Variants in SGCD observed in about 807,000 individuals in gnomAD.
The protein encoded by SGCD is delta-sarcoglycan.
A neutral mutation model predicts 36.6 loss-of-function variants in SGCD; 18 were observed. The observed-to-expected ratio is 0.49, with a 90% CI of 0.34 to 0.73. The LOEUF (loss-of-function observed/expected upper bound fraction) is 0.73, where lower values mean the gene tolerates loss of function less well. SGCD is among the 30% of genes least tolerant of loss of function. The probability of loss-of-function intolerance (pLI) is 0.01; values close to 1 mark genes in which losing one functional copy is unlikely to be tolerated. For missense variants in SGCD, 387 were observed against 346.7 expected (o/e 1.12, Z -0.92); for synonymous variants, 133 against 130.6 (o/e 1.02, Z -0.12).
chr5:156,011,177 C>T (rs1374288215), intron 1 of SGCD, among the ~76,000 whole-genome samples: 1 of 152,162 alleles, frequency 6.6e-6, no homozygotes, highest in African/African-American at 2.4e-5. Flanking sequence ...AGATACTTTA[C>T]ATATTAAATC....
At chr5:155,731,123 C>T in the SGCD span, among the ~76,000 whole-genome samples, 3 of 150,928 alleles carry the variant, frequency 2.0e-5, no homozygotes, top group East Asian at 1.9e-4. Context: ...CAGAGGGGCA[C>T]GAGAGGGAGG....
chr5:156,045,445 C>A (rs868291588), intron 1 of SGCD, among the ~76,000 whole-genome samples: 4 of 152,218 alleles, frequency 2.6e-5, no homozygotes, highest in Middle Eastern at 3.4e-3. Flanking sequence ...CCAATTAATT[C>A]AGAAATGTCC....
At chr5:156,043,444 C>T (rs1286666156) in intron 1 of SGCD, among the ~76,000 whole-genome samples, 1 of 152,152 alleles carries the variant, frequency 6.6e-6, no homozygotes, top group African/African-American at 2.4e-5. Flanking sequence ...TGTCTAATTT[C>T]TCAGGGGTTT....
rs116855174 is a variant in SGCD, at chr5:156,573,834, T to C, written c.295-15397T>C. On this transcript the variant is annotated intron_variant, in intron 4 of 8. Transcript: ENST00000337851. ...TCTGCCTCCCCAGTAGTTAGGACTA[T>C]AAGCACATGTCACCATGCCCAGCTA... is the stretch of plus-strand genomic sequence containing the variant. Among the ~76,000 whole-genome samples the C allele has an allele frequency of 0.014, 2,148 of 152,098 alleles. 102 individuals are homozygous for C. The East Asian group carries it at 0.17, about 12-fold the overall frequency.
intron 1 of SGCD, among the ~76,000 whole-genome samples, chr5:155,892,103 T>C (rs1250036046): frequency 6.6e-6 from 1 of 152,180 alleles, no homozygotes; most frequent in Non-Finnish European, 1.5e-5. Context: ...ACACGTAGTC[T>C]GTTCTTTGTC....
intron 3 of SGCD, among the ~76,000 whole-genome samples, chr5:156,432,423 A>G (rs556240557): frequency 1.1e-4 from 17 of 152,360 alleles, no homozygotes; most frequent in African/African-American, 4.1e-4. Flanking sequence ...TTTGCAAGAC[A>G]GCACCAGGTA....
At chr5:156,605,278 C>T (rs902387783) in intron 6 of SGCD, among the ~76,000 whole-genome samples, 4 of 152,098 alleles carry the variant, frequency 2.6e-5, no homozygotes, top group African/African-American at 9.7e-5. Flanking sequence ...TCAATTCCCA[C>T]CTATGAGTGA....
At position 156,458,540 on chromosome 5, in the gene SGCD, T is replaced by C. The variant is rs570106837; in HGVS notation, c.193-50061T>C. 25 of 1,371,994 alleles carry C rather than the reference T, an allele frequency of 1.8e-5. No homozygotes were observed. The East Asian group carries it at 5.3e-4, about 29-fold the overall frequency. 85.0% of individuals were successfully genotyped at this position (1,371,994 alleles called of 1,614,324 possible). On this transcript the variant is annotated intron_variant, in intron 3 of 8. Coordinates refer to ENST00000337851, the MANE Select transcript of SGCD (RefSeq NM_000337.6). ...AAACCAGAATAGACACACCAGTGAT[T>C]CTTTCCCTCAAACCGCATATGTCAA...
chr5:156,092,146 C>T (rs1047098477), intron 1 of SGCD, among the ~76,000 whole-genome samples: 5 of 152,182 alleles, frequency 3.3e-5, no homozygotes, highest in African/African-American at 1.2e-4. Flanking sequence ...TGTAAATCTT[C>T]ATAGAATACT....
chr5:156,713,297 A>G (rs1392675252), intron 7 of SGCD, among the ~76,000 whole-genome samples: 1 of 152,160 alleles, frequency 6.6e-6, no homozygotes, highest in African/African-American at 2.4e-5. Flanking sequence ...TAACACATGT[A>G]TGGACATGGG....
At chr5:156,379,689 G>A (rs1368999263) in intron 3 of SGCD, among the ~76,000 whole-genome samples, 28 of 152,160 alleles carry the variant, frequency 1.8e-4, no homozygotes, top group Admixed American at 1.8e-3. Flanking sequence ...AAGGGGATGA[G>A]GTAGAACACT....
intron 3 of SGCD, among the ~76,000 whole-genome samples, chr5:156,284,195 A>G (rs544797401): frequency 3.9e-5 from 6 of 152,132 alleles, no homozygotes; most frequent in Non-Finnish European, 5.9e-5. Context: ...CTTACCAACA[A>G]AAAAAGTCCA....
intron 3 of SGCD, among the ~76,000 whole-genome samples, chr5:156,138,712 A>G (rs1762513168): frequency 6.6e-6 from 1 of 152,232 alleles, no homozygotes; most frequent in Admixed American, 6.5e-5. Flanking sequence ...GTGAATATCA[A>G]TGAGTGAAAT....
chr5:156,289,651 C>A (rs1033320815), intron 3 of SGCD, among the ~76,000 whole-genome samples: 1 of 151,558 alleles, frequency 6.6e-6, no homozygotes, highest in South Asian at 2.1e-4. Context: ...TCCTGCTGTA[C>A]CACACTTGAG....
intron 3 of SGCD, among the ~76,000 whole-genome samples, chr5:156,376,809 C>T (rs942996514): frequency 1.3e-5 from 2 of 151,994 alleles, no homozygotes; most frequent in African/African-American, 4.8e-5. Context: ...AAAAGTGGCC[C>T]AAGGTGCTCT....
At chr5:156,137,809 C>T (rs1354461919) in intron 3 of SGCD, among the ~76,000 whole-genome samples, 1 of 152,098 alleles carries the variant, frequency 6.6e-6, no homozygotes, top group Non-Finnish European at 1.5e-5. Flanking sequence ...GTGGTTCTGT[C>T]ACCTAACCCT....
intron 3 of SGCD, among the ~76,000 whole-genome samples, chr5:156,423,458 TATTA>T (rs1302410420): frequency 1.5e-5 from 2 of 130,846 alleles, no homozygotes; most frequent in African/African-American, 2.9e-5. Context: ...TATTATAATA[TATTA>T]ATTAAATAAT....
At chr5:156,719,824 C>CTTT (rs76672672) in intron 7 of SGCD, among the ~76,000 whole-genome samples, 1 of 138,760 alleles carries the variant, frequency 7.2e-6, no homozygotes. Context: ...GTCAAAGAAA[C>CTTT]TTTTTTTTTT....
chr5:156,002,089 G>A (rs1457065763), intron 1 of SGCD, among the ~76,000 whole-genome samples: 1 of 152,158 alleles, frequency 6.6e-6, no homozygotes, highest in African/African-American at 2.4e-5. Flanking sequence ...TTCATATGTC[G>A]ACTCCAACCT....
Sources: gnomAD v4.1 joint callset for allele counts (sites outside exome capture counted in the v4.1 genomes callset) on GRCh38, gnomAD v4.1.1 for gene constraint, MANE v1.5 for transcripts, NCBI Gene and HGNC (gene_info 2026-07-23, HGNC 2026-07-21) for gene names.